LPCAT2: variants seen among roughly 807,000 people sequenced by gnomAD.
The protein encoded by LPCAT2 is 1-AGP acyltransferase 11.
In LPCAT2, 58 loss-of-function variants were observed where a neutral mutation model predicts 64.7. The ratio of observed to expected loss-of-function variants is 0.90; its 90% CI spans 0.73 to 1.12. The LOEUF is 1.12. LPCAT2 is among the 50% of genes most tolerant of loss of function. LPCAT2 has a pLI of 0.00. For missense variants in LPCAT2, 579 were observed against 669.8 expected, an observed-to-expected ratio of 0.86 and a Z score of 1.50; for synonymous variants, 252 against 245.3, an observed-to-expected ratio of 1.03 and a Z score of -0.26.
intron 11 of LPCAT2, chr16:55,551,466 T>G (rs1286530491): frequency 6.6e-6 from 1 of 152,280 alleles, no homozygotes; most frequent in Non-Finnish European, 1.5e-5. Flanking sequence ...GAAGAGTTTA[T>G]ATCATTGGCA....
At chr16:55,532,071 G>A in intron 5 of LPCAT2, 97 bp downstream of exon 5, 1 of 809,130 alleles carries the variant, frequency 1.2e-6, no homozygotes, top group South Asian at 1.5e-5. Context: ...AGCTTGCTCT[G>A]AGCATTTTTT....
chr16:55,509,918 A>G (rs1490157223), intron 1 of LPCAT2, among the ~76,000 whole-genome samples: 1 of 151,176 alleles, frequency 6.6e-6, no homozygotes, highest in Non-Finnish European at 1.5e-5. Flanking sequence ...AATCTGTGAC[A>G]GAAGCTTCAA....
intron 11 of LPCAT2, among the ~76,000 whole-genome samples, chr16:55,555,316 T>C (rs1963562286): frequency 6.6e-6 from 1 of 152,262 alleles, no homozygotes; most frequent in Non-Finnish European, 1.5e-5. Flanking sequence ...GTGGCCTCCA[T>C]GGTTTTGCAG....
intron 12 of LPCAT2, 101 bp downstream of exon 12, chr16:55,574,830 T>C (rs529320561): frequency 1.2e-6 from 1 of 856,528 alleles, no homozygotes; most frequent in East Asian, 2.5e-5. Context: ...TGTGATTTTA[T>C]AGATCTGCTG....
Position 55,537,604 on chromosome 16 carries a change from G to T in LPCAT2, c.824G>T (p.Cys275Phe). ...ATTCAGCTTTGTATGCTTACTTTCT[G>T]CCAGCTCTTCACAAAGGTAGAAGTT... ...TFIQLCMLTF[C>F]QLFTKVEVEF... The change falls in exon 8 of 14, where the codon TGC becomes TTC. Residue 275 changes from cysteine to phenylalanine, a missense_variant. Cys to Phe is a radical substitution (Grantham distance 205). Transcript: ENST00000262134. 1 of 1,613,076 alleles carries T rather than the reference G, an allele frequency of 6.2e-7. No individual in the cohort carries two copies. Among genetic ancestry groups the T allele is most frequent in the Non-Finnish European group, 8.5e-7 (1 of 1,179,442 alleles).
chr16:55,549,532 G>T, intron 10 of LPCAT2, 130 bp downstream of exon 10: 1 of 918,520 alleles, frequency 1.1e-6, no homozygotes, highest in Non-Finnish European at 1.6e-6. Flanking sequence ...GAAAGTCAGA[G>T]TTGAGAATTT....
intron 3 of LPCAT2, 118 bp downstream of exon 3, chr16:55,528,712 ATATT>A: frequency 1.3e-6 from 1 of 750,938 alleles, no homozygotes; most frequent in Non-Finnish European, 2.1e-6. Flanking sequence ...CATTTCAAAC[ATATT>A]TACTTTATTG....
chr16:55,571,598 T>G (rs1963770855), intron 11 of LPCAT2, among the ~76,000 whole-genome samples: 6 of 152,190 alleles, frequency 3.9e-5, no homozygotes. Flanking sequence ...TCCTTTGAAA[T>G]GTGGCCCTGA....
chr16:55,544,444 G>A (rs1298629201), intron 8 of LPCAT2, among the ~76,000 whole-genome samples: 2 of 152,170 alleles, frequency 1.3e-5, no homozygotes, highest in African/African-American at 4.8e-5. Context: ...CTACTGAATG[G>A]AGAGCTTCTT....
At chr16:55,535,170 T>C (rs1480206487) in intron 7 of LPCAT2, among the ~76,000 whole-genome samples, 2 of 152,170 alleles carry the variant, frequency 1.3e-5, no homozygotes, top group African/African-American at 4.8e-5. Context: ...TACCTGAATT[T>C]GAAGACTTCC....
intron 11 of LPCAT2, among the ~76,000 whole-genome samples, chr16:55,555,348 T>A (rs141340995): frequency 2.6e-4 from 40 of 152,336 alleles, no homozygotes; most frequent in Non-Finnish European, 5.4e-4. Flanking sequence ...GTTCTTCAAG[T>A]TTTGACTTTC....
At chr16:55,549,550 AT>A in intron 10 of LPCAT2, 148 bp downstream of exon 10, 1 of 742,112 alleles carries the variant, frequency 1.3e-6, no homozygotes. Context: ...TTTATCTCAC[AT>A]TTTATTCATC....
At chr16:55,578,558 T>C (rs1205125015) in intron 12 of LPCAT2, among the ~76,000 whole-genome samples, 1 of 152,134 alleles carries the variant, frequency 6.6e-6, no homozygotes, top group African/African-American at 2.4e-5. Flanking sequence ...CTTAACTGGT[T>C]TTCCTGCCTC....
intron 8 of LPCAT2, among the ~76,000 whole-genome samples, chr16:55,543,266 G>A (rs954619853): frequency 5.9e-5 from 9 of 152,190 alleles, no homozygotes; most frequent in African/African-American, 1.7e-4. Context: ...AAGATGTCAC[G>A]CCAATATGAG....
intron 1 of LPCAT2, among the ~76,000 whole-genome samples, chr16:55,515,228 A>G (rs1962993483): frequency 8.1e-6 from 1 of 122,770 alleles, no homozygotes; most frequent in South Asian, 2.6e-4. Flanking sequence ...TTAAGAATAA[A>G]CTCAAAGATA....
At chr16:55,571,769 T>G (rs1184698584) in intron 11 of LPCAT2, among the ~76,000 whole-genome samples, 1 of 152,178 alleles carries the variant, frequency 6.6e-6, no homozygotes, top group Non-Finnish European at 1.5e-5. Flanking sequence ...CTGTATAATT[T>G]TTATCTGTTT....
intron 7 of LPCAT2, 32 bp downstream of exon 7, chr16:55,534,509 T>C: frequency 8.9e-7 from 1 of 1,120,338 alleles, no homozygotes; most frequent in Non-Finnish European, 1.3e-6. Context: ...TTAGTTTATA[T>C]AAATTTTATT....
chr16:55,523,527 C>T (rs938419615), intron 1 of LPCAT2, among the ~76,000 whole-genome samples: 1 of 151,542 alleles, frequency 6.6e-6, no homozygotes, highest in Non-Finnish European at 1.5e-5. Flanking sequence ...TATAATAGGC[C>T]AAATGCCCAT....
chr16:55,571,260 T>C, intron 11 of LPCAT2, among the ~76,000 whole-genome samples: 1 of 152,170 alleles, frequency 6.6e-6, no homozygotes, highest in East Asian at 1.9e-4. Flanking sequence ...ACTTATTTTT[T>C]CAAGAGTTTT....
Sources: allele counts gnomAD v4.1 joint callset (sites outside exome capture counted in the v4.1 genomes callset), GRCh38; gene constraint gnomAD v4.1.1; transcripts MANE v1.5; gene names NCBI Gene and HGNC (gene_info 2026-07-23, HGNC 2026-07-21).